Variants in QRICH2 observed in about 807,000 individuals in gnomAD.
QRICH2 encodes the protein glutamine rich 2, also known as glutamine-rich protein 2.
In QRICH2, 119 loss-of-function variants were observed where a neutral mutation model predicts 168.3. The observed-to-expected ratio is 0.71, with a 90% CI of 0.61 to 0.82. QRICH2 has a LOEUF of 0.82. Among genes scored for constraint, QRICH2 ranks in the 40% least tolerant of loss-of-function variants. QRICH2 has a pLI of 0.00. For synonymous variants in QRICH2, 894 were observed against 951.2 expected, an observed-to-expected ratio of 0.94 and a Z score of 1.11; for missense variants, 2,241 against 2,491.6, an observed-to-expected ratio of 0.90 and a Z score of 2.14.
intron 3 of QRICH2, among the ~76,000 whole-genome samples, chr17:76,302,019 C>T (rs1254676565): frequency 1.3e-5 from 2 of 152,084 alleles, no homozygotes; most frequent in Non-Finnish European, 2.9e-5. Flanking sequence ...CTGCCTCAGC[C>T]TCCCAAGTGC....
At chr17:76,279,658 G>A (rs1256412314) in intron 12 of QRICH2, among the ~76,000 whole-genome samples, 2 of 152,122 alleles carry the variant, frequency 1.3e-5, no homozygotes, top group East Asian at 3.9e-4. Flanking sequence ...TGCAAGTCTC[G>A]GGCGCCCCCT....
At chr17:76,308,938 G>A (rs2071032771), upstream of QRICH2, among the ~76,000 whole-genome samples, 1 of 151,030 alleles carries the variant, frequency 6.6e-6, no homozygotes, top group Non-Finnish European at 1.5e-5. Context: ...GCAGAGACGG[G>A]GTTTCACTAT....
In QRICH2 at chr17:76,277,267, G is replaced by T. The variant is rs527656341; in HGVS notation, c.5161C>A (p.Arg1721Ser). The part of the protein sequence containing the change: ...ADYTYSTVPR[R>S]CGGSHTLTYP... ...GTGAGGGTGTGGCTGCCCCCGCAGC[G>T]CCGGGGCACAGTTGAGTAGGTGTAA... The change falls in exon 16 of 19, where the codon CGC becomes AGC. Residue 1721 changes from arginine (R) to serine (S), a missense_variant. By Grantham distance (110) the Arg-to-Ser change is moderately radical (BLOSUM62 -1). This residue lies in a region of QRICH2 where 2,047 missense variants were observed against 2,303.8 expected (regional missense o/e 0.89). Coordinates refer to ENST00000680821, the MANE Select transcript of QRICH2 (RefSeq NM_001388453.1). The T allele has an allele frequency of 6.2e-7, 1 of 1,602,454 alleles. No homozygotes were observed.
intron 5 of QRICH2, among the ~76,000 whole-genome samples, 174 bp downstream of exon 5, chr17:76,289,818 G>C (rs1202632389): frequency 6.6e-6 from 1 of 152,016 alleles, no homozygotes; most frequent in East Asian, 1.9e-4. Context: ...CGGGCATGGT[G>C]GCACATGCCT....
chr17:76,289,952 A>C lies in QRICH2; in HGVS notation c.3798+40T>G, dbSNP rs774294531. ...GGCGACAAGAGCAAAACTCCATCTCAAAAAAAAAAAAAAGACAAAGTGGGT... is the reference window on the plus strand; with the variant it reads ...GGCGACAAGAGCAAAACTCCATCTCCAAAAAAAAAAAAAGACAAAGTGGGT... On this transcript the variant is annotated intron_variant, in intron 5 of 18. Coordinates refer to ENST00000680821, the MANE Select transcript of QRICH2 (RefSeq NM_001388453.1). The C allele has an allele frequency of 4.2e-5, 11 of 259,000 alleles. No individual in the cohort carries two copies. In the South Asian group the frequency reaches 7.5e-4, roughly 18 times the overall value. 16.0% of individuals were successfully genotyped at this position (259,000 alleles called of 1,614,324 possible). A position where few individuals can be genotyped will look rare whatever the true frequency, so the allele number is the denominator to read the frequency against.
chr17:76,302,724 T>C (rs2070926635), intron 3 of QRICH2, among the ~76,000 whole-genome samples: 1 of 152,136 alleles, frequency 6.6e-6, no homozygotes, highest in Admixed American at 6.5e-5. Context: ...GTACTGGCCT[T>C]GTGTCCTCCC....
chr17:76,288,745 C>A (rs1417219010), intron 5 of QRICH2, among the ~76,000 whole-genome samples: 2 of 151,894 alleles, frequency 1.3e-5, no homozygotes, highest in Non-Finnish European at 2.9e-5. Context: ...GGGATCTGGC[C>A]GTCCCTTGCA....
In QRICH2 at chr17:76,280,243, G is replaced by C. The variant is rs1347108469; in HGVS notation, c.4626+44C>G. ...AAGGTGGTGCTGTCCCGATCCTGGGGGCAAGGCTGTGGGATGGAGAGCCCC... is the reference window on the plus strand; with the variant it reads ...AAGGTGGTGCTGTCCCGATCCTGGGCGCAAGGCTGTGGGATGGAGAGCCCC... On this transcript the variant is annotated intron_variant, in intron 11 of 18. Transcript: ENST00000680821. This position sits in a 1 kb window ranked among gnomAD's most constrained non-coding sequence, Gnocchi z 7.4. 1 of 1,611,176 alleles carries C rather than the reference G, an allele frequency of 6.2e-7. No individual in the cohort carries two copies. Among genetic ancestry groups the C allele is most frequent in the Admixed American group, 1.7e-5 (1 of 59,862 alleles).
intron 1 of QRICH2, 117 bp from the exon 2 acceptor site, chr17:76,305,058 C>G: frequency 1.3e-6 from 1 of 768,370 alleles, no homozygotes. Flanking sequence ...CATGCATACA[C>G]GCACATTCAC....
chr17:76,294,965 C>T (rs2070772855), intron 3 of QRICH2, among the ~76,000 whole-genome samples: 1 of 151,730 alleles, frequency 6.6e-6, no homozygotes, highest in Non-Finnish European at 1.5e-5. Flanking sequence ...GGCACGGTGG[C>T]TCATGCCTGT....
At position 76,279,067 on chromosome 17, in the gene QRICH2, C is replaced by G. The variant is rs777606932; in HGVS notation, c.4890G>C (p.Leu1630=). The G allele has an allele frequency of 6.2e-7, 1 of 1,613,890 alleles. No homozygotes were observed. Among genetic ancestry groups the G allele is most frequent in the South Asian group, 1.1e-5 (1 of 91,074 alleles). ...HSIRPYTVFE[L]EQVRQHSRNL... is the part of the protein sequence containing the mutation. ...TGCGGCTATGCTGCCGGACCTGCTC[C>G]AGTTCAAACACCGTGTAGGGGCGGA... The change falls in exon 14 of 19, where the codon CTG becomes CTC. Residue 1630 remains leucine, a synonymous_variant. Transcript: ENST00000680821.
At chr17:76,287,390 T>C (rs111987746) in intron 6 of QRICH2, 84 bp from the exon 7 acceptor site, 7 of 942,640 alleles carry the variant, frequency 7.4e-6, no homozygotes, top group African/African-American at 4.8e-5. Flanking sequence ...CGCAGGGGGA[T>C]GCAGACACAG....
At chr17:76,279,980 C>A (rs1292878593) in intron 12 of QRICH2, 53 bp downstream of exon 12, 1 of 1,548,126 alleles carries the variant, frequency 6.5e-7, no homozygotes. Context: ...GCCCCCTCTG[C>A]CCTCACCCCC....
Position 76,308,010 on chromosome 17 carries a change from G to C in QRICH2, c.-12C>G. On this transcript the variant is annotated 5_prime_UTR_variant, in exon 1 of 19. Transcript: ENST00000680821. ...GTCGCGGGCGGCATCGTGGCTGTCA[G>C]GAGCTGTGCGCCGCCGCGGGGCGCC... The C allele has an allele frequency of 8.1e-7, 1 of 1,232,768 alleles. No individual in the cohort carries two copies. The highest frequency in any genetic ancestry group is 1.0e-6 in the Non-Finnish European group (1 of 988,238). The allele number at this position is 1,232,768 out of a possible 1,614,324, so 76.4% of individuals were successfully genotyped here.
At position 76,276,718 on chromosome 17, in the gene QRICH2, C is replaced by T. The variant is rs763464304; in HGVS notation, c.5315G>A (p.Arg1772Gln). 44 of 1,613,826 alleles carry T rather than the reference C, an allele frequency of 2.7e-5. No homozygotes were observed. Among genetic ancestry groups the T allele is most frequent in the African/African-American group, 2.0e-4 (15 of 75,060 alleles). ...GATGCCTGGCAGCCTTGTGTCCATC[C>T]GTCCCTTGTAAATGTGGCCATCCAG... is the stretch of plus-strand genomic sequence containing the variant. Reference protein sequence around the residue: ...LGLDGHIYKGRMDTRLPGILR... With the variant: ...LGLDGHIYKGQMDTRLPGILR... The change falls in exon 17 of 19, where the codon CGG becomes CAG. Residue 1772 changes from arginine to glutamine, a missense_variant. Transcript: ENST00000680821.
chr17:76,306,092 C>T (rs1182350779), intron 1 of QRICH2, among the ~76,000 whole-genome samples: 1 of 149,416 alleles, frequency 6.7e-6, no homozygotes, highest in Non-Finnish European at 1.5e-5. Context: ...ATTCCTTGAA[C>T]CCAGGAGATG....
chr17:76,290,782 G>A (rs537441643), intron 4 of QRICH2, among the ~76,000 whole-genome samples: 162 of 152,202 alleles, frequency 1.1e-3, no homozygotes, highest in African/African-American at 3.9e-3. Flanking sequence ...TGTGCAGAGA[G>A]CCTGACAAAG....
chr17:76,282,007 C>T lies in QRICH2; in HGVS notation c.4120G>A (p.Asp1374Asn), dbSNP rs761962169. 12 of 1,613,332 alleles carry T rather than the reference C, an allele frequency of 7.4e-6. No homozygotes were observed. The highest frequency in any genetic ancestry group is 4.4e-5 in the South Asian group (4 of 90,976). ...CAGGCTGGACAGGTGGCCTCAGGGT[C>T]GATCTGGCCAGGAGCCAAGGTGTGG... ...KAHTLAPGQI[D>N]PEATCPACSL... Residue 1374 changes from aspartate (D) to asparagine (N), a missense_variant, in exon 8 of 19, where the codon GAC becomes AAC. Physicochemically the swap from Asp to Asn is conservative, Grantham distance 23. Around this residue, in one of 3 missense-constraint regions of QRICH2, gnomAD observed 2,047 missense variants for 2,303.8 expected, o/e 0.89. Coordinates refer to ENST00000680821, the MANE Select transcript of QRICH2 (RefSeq NM_001388453.1).
chr17:76,284,819 A>G (rs1183296068), intron 7 of QRICH2, among the ~76,000 whole-genome samples: 1 of 151,660 alleles, frequency 6.6e-6, no homozygotes, highest in Admixed American at 6.6e-5. Context: ...TCCGTCTCAA[A>G]GAAAAAAAAA....
Sources: allele counts gnomAD v4.1 joint callset (sites outside exome capture counted in the v4.1 genomes callset), GRCh38; gene constraint gnomAD v4.1.1; regional missense constraint gnomAD v4.1.1; non-coding constraint Gnocchi (gnomAD v3.1); transcripts MANE v1.5; gene names NCBI Gene and HGNC (gene_info 2026-07-23, HGNC 2026-07-21).